The following ATP8A2 variants were observed in gnomAD, a reference collection of about 807,000 sequenced individuals.
ATP8A2 encodes phospholipid-transporting ATPase IB.
In ATP8A2, 100 loss-of-function variants were observed where a neutral mutation model predicts 165.6. The ratio of observed to expected loss-of-function variants is 0.60; its 90% confidence interval spans 0.51 to 0.71. The LOEUF (loss-of-function observed/expected upper bound fraction) is 0.71, where lower values mean the gene tolerates loss of function less well. Ranked by LOEUF, ATP8A2 falls within the 30% of genes least tolerant of loss-of-function variation. The probability of loss-of-function intolerance (pLI) is 0.00; values close to 1 mark genes in which losing one functional copy is unlikely to be tolerated. For missense variants in ATP8A2, 1,227 were observed against 1,479.5 expected, an observed-to-expected ratio of 0.83 and a Z score of 2.80; for synonymous variants, 543 against 548.8, an observed-to-expected ratio of 0.99 and a Z score of 0.15.
intron 1 of ATP8A2, among the ~76,000 whole-genome samples, chr13:25,381,259 T>C (rs562599383): frequency 6.6e-6 from 1 of 152,322 alleles, no homozygotes; most frequent in Non-Finnish European, 1.5e-5. Flanking sequence ...GTTTTTCTTC[T>C]CAGAGACCGG....
chr13:25,880,120 G>A (rs1199641098), intron 33 of ATP8A2, among the ~76,000 whole-genome samples: 1 of 152,156 alleles, frequency 6.6e-6, no homozygotes, highest in East Asian at 1.9e-4. Flanking sequence ...TGGGCACAGT[G>A]ACAGCAAGGA....
intron 33 of ATP8A2, among the ~76,000 whole-genome samples, chr13:25,917,157 T>A (rs2139015033): frequency 6.6e-6 from 1 of 152,340 alleles, no homozygotes; most frequent in African/African-American, 2.4e-5. Context: ...TTAGAGTCTT[T>A]GTCTTTGAAG....
intron 7 of ATP8A2, among the ~76,000 whole-genome samples, chr13:25,540,025 T>TA (rs1199400385): frequency 6.6e-6 from 1 of 152,196 alleles, no homozygotes; most frequent in Non-Finnish European, 1.5e-5. Context: ...GGACATCACA[T>TA]GTTTCCCTTT....
At position 25,961,661 on chromosome 13, in the gene ATP8A2, A is replaced by G. The variant is rs749814305; in HGVS notation, c.3270A>G (p.Arg1090=). 32 of 1,611,914 alleles carry G rather than the reference A, an allele frequency of 2.0e-5. No homozygotes were observed. The East Asian group carries it at 6.5e-4, about 33-fold the overall frequency. ...TACLIEDVAW[R]AAKHTCKKTL... Reference sequence around the variant, plus strand: ...GTTTGATTGAAGATGTGGCATGGAGAGCGTAAGTTTAACAGTGAAGCGGGG... The same window carrying G: ...GTTTGATTGAAGATGTGGCATGGAGGGCGTAAGTTTAACAGTGAAGCGGGG... The change falls in exon 34 of 37, where the codon AGA becomes AGG. Residue 1090 remains arginine, a splice_region_variant and synonymous_variant. Transcript: ENST00000381655.
chr13:25,479,366 AG>A (rs1236985145), intron 2 of ATP8A2, among the ~76,000 whole-genome samples: 2 of 152,242 alleles, frequency 1.3e-5, no homozygotes, highest in Non-Finnish European at 2.9e-5. Flanking sequence ...TGTTTAACCT[AG>A]TAAAATGGTT....
chr13:25,695,820 C>A lies in ATP8A2; in HGVS notation c.2212-3353C>A, dbSNP rs961019223. Among the ~76,000 whole-genome samples, 16 of 139,984 alleles carry A rather than the reference C, an allele frequency of 1.1e-4. No individual in the cohort carries two copies. The East Asian group carries it at 2.5e-3, about 21-fold the overall frequency. 91.8% of individuals were successfully genotyped at this position (139,984 alleles called of 152,430 possible). On this transcript the variant is annotated intron_variant, in intron 24 of 36. Transcript: ENST00000381655. ...AAGTCTCAAACTTTTCAAAGTTATG[C>A]ATGAGGGTTGAAATCAACTTCTTCC...
chr13:25,587,214 G>A (rs1198219128), intron 23 of ATP8A2, among the ~76,000 whole-genome samples: 1 of 152,126 alleles, frequency 6.6e-6, no homozygotes, highest in Non-Finnish European at 1.5e-5. Context: ...TAAATAATTT[G>A]CTACATTAGT....
At chr13:25,727,997 G>A (rs913526569) in intron 25 of ATP8A2, among the ~76,000 whole-genome samples, 1 of 152,092 alleles carries the variant, frequency 6.6e-6, no homozygotes, top group Non-Finnish European at 1.5e-5. Flanking sequence ...ATGCCCCCAC[G>A]CTTCTCAGAT....
At chr13:25,415,843 T>A (rs563652150) in intron 1 of ATP8A2, among the ~76,000 whole-genome samples, 3 of 152,280 alleles carry the variant, frequency 2.0e-5, no homozygotes, top group Non-Finnish European at 2.9e-5. Context: ...TATCTTTTTT[T>A]TTCTGAGACA....
intron 2 of ATP8A2, among the ~76,000 whole-genome samples, chr13:25,525,132 A>G (rs1263705842): frequency 6.6e-6 from 1 of 152,070 alleles, no homozygotes; most frequent in Non-Finnish European, 1.5e-5. Context: ...AGAGATGACA[A>G]CTTAACTTAG....
intron 35 of ATP8A2, among the ~76,000 whole-genome samples, chr13:25,974,380 C>A (rs1488282006): frequency 6.6e-6 from 1 of 152,120 alleles, no homozygotes; most frequent in African/African-American, 2.4e-5. Flanking sequence ...TCGGGGTGTG[C>A]CCCCTAGTCT....
chr13:25,591,469 G>A (rs967916968), intron 24 of ATP8A2: 28 of 407,246 alleles, frequency 6.9e-5, no homozygotes, highest in Middle Eastern at 3.5e-4. Context: ...CATCCATATC[G>A]GACCATGTGT....
At chr13:25,829,287 C>T (rs1423860291) in intron 28 of ATP8A2, among the ~76,000 whole-genome samples, 1 of 152,068 alleles carries the variant, frequency 6.6e-6, no homozygotes, top group Non-Finnish European at 1.5e-5. Flanking sequence ...GTCACTAGCA[C>T]ATTTCCTCCT....
intron 4 of ATP8A2, among the ~76,000 whole-genome samples, chr13:25,531,420 GATATATATATGA>G (rs1566230455): frequency 2.4e-4 from 8 of 32,784 alleles, no homozygotes; most frequent in Non-Finnish European, 5.4e-4. Flanking sequence ...TTATATATAT[GATATATATATGA>G]TTATATATAT....
Position 25,554,970 on chromosome 13 carries a change from CT to C in ATP8A2, c.1186-20del, listed in dbSNP as rs762423269. 1 of 1,494,524 alleles carries C rather than the reference CT, an allele frequency of 6.7e-7. No homozygotes were observed. The highest frequency in any genetic ancestry group is 9.3e-7 in the Non-Finnish European group (1 of 1,077,876). 92.6% of individuals were successfully genotyped at this position (1,494,524 alleles called of 1,614,324 possible). A position where few individuals can be genotyped will look rare whatever the true frequency, so the allele number is the denominator to read the frequency against. On this transcript the variant is annotated intron_variant, in intron 12 of 36. Coordinates refer to ENST00000381655, the MANE Select transcript of ATP8A2 (RefSeq NM_016529.6). ...TGGTATATATTTTCTGAAATCCTGT[CT>C]CTTGTTCTCTCTCTCTCAGGACACA...
chr13:25,845,596 T>C (rs915008707), intron 30 of ATP8A2, among the ~76,000 whole-genome samples: 1 of 152,206 alleles, frequency 6.6e-6, no homozygotes, highest in Admixed American at 6.5e-5. Flanking sequence ...TTTTATAATT[T>C]TTAATAAATT....
At chr13:25,853,416 TATATATAG>T (rs1179230981) in intron 30 of ATP8A2, among the ~76,000 whole-genome samples, 35 of 144,214 alleles carry the variant, frequency 2.4e-4, no homozygotes, top group African/African-American at 8.4e-4. Flanking sequence ...TATATGTATA[TATATATAG>T]AATTTCTTAT....
At chr13:25,939,426 C>T (rs928406002) in intron 33 of ATP8A2, among the ~76,000 whole-genome samples, 16 of 152,172 alleles carry the variant, frequency 1.1e-4, no homozygotes, top group Non-Finnish European at 2.1e-4. Context: ...AGGACCAGGA[C>T]GGAGGAGTCC....
At chr13:25,919,202 T>TAAGCCC (rs1237631533) in intron 33 of ATP8A2, among the ~76,000 whole-genome samples, 1 of 152,208 alleles carries the variant, frequency 6.6e-6, no homozygotes, top group Non-Finnish European at 1.5e-5. Context: ...AATGTTCAGG[T>TAAGCCC]AAGCCCACAG....
Sources: gnomAD v4.1 joint callset for allele counts (sites outside exome capture counted in the v4.1 genomes callset) on GRCh38, gnomAD v4.1.1 for gene constraint, MANE v1.5 for transcripts, NCBI Gene and HGNC (gene_info 2026-07-23, HGNC 2026-07-21) for gene names.